The following NAA35 variants were observed in gnomAD, a reference collection of about 807,000 sequenced individuals.
The protein encoded by NAA35 is MAK10 homolog, amino-acid N-acetyltransferase subunit.
Under a neutral mutation model 101.7 loss-of-function variants are expected in NAA35, and 18 were observed. The observed-to-expected ratio is 0.18, with a 90% CI of 0.12 to 0.26. The LOEUF (loss-of-function observed/expected upper bound fraction) is 0.26, where lower values mean the gene tolerates loss of function less well. Ranked by LOEUF, NAA35 falls within the 10% of genes least tolerant of loss-of-function variation. The pLI, the probability that NAA35 is intolerant of heterozygous loss-of-function variation, is 1.00. For synonymous variants in NAA35, 267 were observed against 273.1 expected (o/e 0.98, Z 0.22); for missense variants, 601 against 886.8 (o/e 0.68, Z 4.09).
chr9:86,016,955 G>A (rs1413635772), intron 18 of NAA35, among the ~76,000 whole-genome samples: 1 of 152,240 alleles, frequency 6.6e-6, no homozygotes, highest in Admixed American at 6.5e-5. Flanking sequence ...CAAGACAGCA[G>A]GAGGCCAGTG....
intron 2 of NAA35, among the ~76,000 whole-genome samples, chr9:85,949,197 T>C (rs889576263): frequency 6.6e-6 from 1 of 152,152 alleles, no homozygotes; most frequent in African/African-American, 2.4e-5. Context: ...TTTCCTATAC[T>C]CTCCTTATGG....
At chr9:86,020,765 G>A (rs569281164) in intron 21 of NAA35, 124 bp from the exon 22 acceptor site, 1 of 590,816 alleles carries the variant, frequency 1.7e-6, no homozygotes, top group African/African-American at 1.9e-5. Flanking sequence ...AGGAGGTTGA[G>A]GCTTCAGTGA....
intron 11 of NAA35, among the ~76,000 whole-genome samples, chr9:85,987,508 A>C (rs1312825367): frequency 6.6e-6 from 1 of 152,228 alleles, no homozygotes; most frequent in Non-Finnish European, 1.5e-5. Context: ...ATGATGTGCT[A>C]GTGCCAGGAG....
At chr9:85,957,697 G>C (rs529084739) in intron 3 of NAA35, among the ~76,000 whole-genome samples, 1 of 152,172 alleles carries the variant, frequency 6.6e-6, no homozygotes, top group African/African-American at 2.4e-5. Context: ...TGTAGCCCCA[G>C]TTCCTATACT....
At chr9:86,020,586 A>G (rs968049297) in intron 21 of NAA35, among the ~76,000 whole-genome samples, 1 of 152,200 alleles carries the variant, frequency 6.6e-6, no homozygotes, top group African/African-American at 2.4e-5. Context: ...GCTCACGCCT[A>G]TAATCTCAAC....
At chr9:85,960,098 A>G (rs1198236171) in intron 5 of NAA35, among the ~76,000 whole-genome samples, 2 of 152,256 alleles carry the variant, frequency 1.3e-5, no homozygotes, top group Non-Finnish European at 2.9e-5. Context: ...TGAAGATAAT[A>G]TTATAGCCGT....
chr9:86,014,741 C>CT (rs1296551515), intron 17 of NAA35, among the ~76,000 whole-genome samples: 2 of 152,152 alleles, frequency 1.3e-5, no homozygotes, highest in African/African-American at 4.8e-5. Flanking sequence ...GCAGTGAAGG[C>CT]TTTTGACAGA....
intron 15 of NAA35, among the ~76,000 whole-genome samples, chr9:86,010,569 A>T (rs1228544820): frequency 2.5e-5 from 3 of 118,704 alleles, no homozygotes; most frequent in Admixed American, 1.8e-4. Flanking sequence ...TAACCTTAGA[A>T]TTTTTTTTTT....
intron 14 of NAA35, among the ~76,000 whole-genome samples, chr9:86,008,331 G>A (rs1348294562): frequency 6.6e-6 from 1 of 152,134 alleles, no homozygotes; most frequent in Non-Finnish European, 1.5e-5. Context: ...CAAAGTGCTG[G>A]GATTATAGGC....
intron 15 of NAA35, among the ~76,000 whole-genome samples, chr9:86,011,901 AT>A (rs1486557382): frequency 5.7e-5 from 8 of 140,526 alleles, no homozygotes; most frequent in Non-Finnish European, 7.6e-5. Flanking sequence ...TATGATATAT[AT>A]TAATATATAT....
intron 2 of NAA35, among the ~76,000 whole-genome samples, chr9:85,948,102 T>A (rs2118266267): frequency 6.6e-6 from 1 of 152,316 alleles, no homozygotes; most frequent in South Asian, 2.1e-4. Context: ...GCAGCTTGCT[T>A]TTATACTACT....
chr9:86,013,194 TG>T (rs773688177), intron 16 of NAA35, 50 bp downstream of exon 16: 1 of 1,148,982 alleles, frequency 8.7e-7, no homozygotes, highest in South Asian at 1.5e-5. Context: ...GCACACACTT[TG>T]TCCAGATTTT....
rs1188274536 is a variant in NAA35, at chr9:86,022,940, T to C, written c.*980T>C. Among the ~76,000 whole-genome samples the C allele has an allele frequency of 2.0e-5, 3 of 152,172 alleles. No homozygotes were observed. Among genetic ancestry groups the C allele is most frequent in the African/African-American group, 2.4e-5 (1 of 41,448 alleles). ...AAAATGAGTTACTCTGTGGTGTAAA[T>C]TGGCTTTGGTGGCTTAGCCTAAGAC... On this transcript the variant is annotated 3_prime_UTR_variant, in exon 23 of 23. Coordinates refer to ENST00000361671, the MANE Select transcript of NAA35 (RefSeq NM_024635.4).
chr9:85,967,971 ACTTTT>A (rs1242439660), intron 6 of NAA35, among the ~76,000 whole-genome samples: 1 of 151,968 alleles, frequency 6.6e-6, no homozygotes, highest in Admixed American at 6.6e-5. Context: ...CTATCAAACT[ACTTTT>A]CTTTTGGCAT....
chr9:86,018,616 T>G (rs930522414), intron 20 of NAA35, 83 bp from the exon 21 acceptor site: 22 of 1,522,096 alleles, frequency 1.4e-5, no homozygotes, highest in Non-Finnish European at 1.8e-5. Context: ...ATAGAAAATG[T>G]AGAATTCTTT....
At chr9:85,965,183 C>G (rs1421823029) in intron 6 of NAA35, among the ~76,000 whole-genome samples, 1 of 152,194 alleles carries the variant, frequency 6.6e-6, no homozygotes, top group Non-Finnish European at 1.5e-5. Flanking sequence ...AGTTTCACTT[C>G]TAGCACTCTA....
intron 2 of NAA35, among the ~76,000 whole-genome samples, chr9:85,948,922 A>T (rs1324290618): frequency 6.6e-6 from 1 of 151,600 alleles, no homozygotes; most frequent in Non-Finnish European, 1.5e-5. Flanking sequence ...ATGCTCAGCT[A>T]ATCTTTGTAT....
At position 85,948,334 on chromosome 9, in the gene NAA35, G is replaced by C. The variant is rs184316360; in HGVS notation, c.124+6051G>C. On this transcript the variant is annotated intron_variant, in intron 2 of 22. Transcript: ENST00000361671. Reference sequence around the variant, plus strand: ...TTCTACTTCTAGATTAATGAATCTAGAATTCATTAATTCTACCAGTTGTCT... The same window carrying C: ...TTCTACTTCTAGATTAATGAATCTACAATTCATTAATTCTACCAGTTGTCT... Among the ~76,000 whole-genome samples, 195 of 152,196 alleles carry C rather than the reference G, an allele frequency of 1.3e-3. 1 individual carries two copies. Among genetic ancestry groups the C allele is most frequent in the Non-Finnish European group, 2.5e-3 (172 of 67,988 alleles).
Position 85,996,574 on chromosome 9 carries a change from C to G in NAA35, c.1053C>G (p.Ile351Met). ...EVVNLTNLHC[I>M]LDFFCEFSEQ... Reference sequence around the variant, plus strand: ...TGAATTTAACAAATTTACATTGTATCCTGGTAAGTACAAATCTCTGTTCCA... The same window carrying G: ...TGAATTTAACAAATTTACATTGTATGCTGGTAAGTACAAATCTCTGTTCCA... Residue 351 changes from isoleucine to methionine, a missense_variant, in exon 12 of 23, where the codon ATC becomes ATG. Physicochemically the swap from Ile to Met is conservative, Grantham distance 10. Coordinates refer to ENST00000361671, the MANE Select transcript of NAA35 (RefSeq NM_024635.4). 1 of 1,562,094 alleles carries G rather than the reference C, an allele frequency of 6.4e-7. No homozygotes were observed. The highest frequency in any genetic ancestry group is 2.1e-5 in the Admixed American group (1 of 46,842).
Sources: allele counts gnomAD v4.1 joint callset (sites outside exome capture counted in the v4.1 genomes callset), GRCh38; gene constraint gnomAD v4.1.1; transcripts MANE v1.5; gene names NCBI Gene and HGNC (gene_info 2026-07-23, HGNC 2026-07-21).